Variants in LONP2 observed in about 807,000 individuals in gnomAD.
LONP2 encodes lon protease homolog 2, peroxisomal.
A neutral mutation model predicts 85.6 loss-of-function variants in LONP2; 60 were observed. The ratio of observed to expected loss-of-function variants is 0.70; its 90% CI spans 0.57 to 0.87. The LOEUF is 0.87. Ranked by LOEUF, LONP2 falls within the 40% of genes least tolerant of loss-of-function variation. The pLI, the probability that LONP2 is intolerant of heterozygous loss-of-function variation, is 0.00. For missense variants in LONP2, 860 were observed against 1,063.5 expected, an observed-to-expected ratio of 0.81 and a Z score of 2.66; for synonymous variants, 395 against 389.7, an observed-to-expected ratio of 1.01 and a Z score of -0.16.
chr16:48,339,176 C>T (rs1260637598), intron 12 of LONP2, among the ~76,000 whole-genome samples: 2 of 151,996 alleles, frequency 1.3e-5, no homozygotes, highest in Admixed American at 6.5e-5. Flanking sequence ...ACAAAGAAGT[C>T]GGGAAAAACA....
chr16:48,329,242 A>G (rs746810875), intron 11 of LONP2, among the ~76,000 whole-genome samples: 2 of 152,216 alleles, frequency 1.3e-5, no homozygotes, highest in Non-Finnish European at 2.9e-5. Context: ...GGAAAATTCT[A>G]GAAATAATCC....
chr16:48,299,067 T>C (rs1390922280), intron 9 of LONP2, among the ~76,000 whole-genome samples: 4 of 151,740 alleles, frequency 2.6e-5, no homozygotes, highest in Non-Finnish European at 5.9e-5. Flanking sequence ...ATTTTTTGTG[T>C]TTTTAGTAGA....
chr16:48,350,117 G>A (rs1960094210), intron 14 of LONP2, among the ~76,000 whole-genome samples: 1 of 152,190 alleles, frequency 6.6e-6, no homozygotes, highest in South Asian at 2.1e-4. Flanking sequence ...TGGGTGTGGT[G>A]GCTCACGCCT....
intron 7 of LONP2, among the ~76,000 whole-genome samples, chr16:48,275,593 T>C (rs964383994): frequency 3.3e-5 from 5 of 152,106 alleles, no homozygotes; most frequent in African/African-American, 1.2e-4. Flanking sequence ...TTCTTAGAAT[T>C]GTTGGGATTT....
chr16:48,264,338 C>T (rs765340932), intron 6 of LONP2, among the ~76,000 whole-genome samples: 81 of 152,144 alleles, frequency 5.3e-4, no homozygotes, highest in Non-Finnish European at 1.0e-3. Context: ...GAGACCTACC[C>T]CTAGGTGCGC....
At chr16:48,298,654 T>TGTGC (rs1488693409) in intron 9 of LONP2, among the ~76,000 whole-genome samples, 4 of 151,504 alleles carry the variant, frequency 2.6e-5, no homozygotes, top group African/African-American at 9.7e-5. Flanking sequence ...TGTGTGTGTG[T>TGTGC]GTGTGTGTGT....
intron 8 of LONP2, among the ~76,000 whole-genome samples, chr16:48,287,228 G>A (rs548305544): frequency 1.3e-5 from 2 of 152,216 alleles, no homozygotes; most frequent in Non-Finnish European, 2.9e-5. Context: ...CAGAGCCTCA[G>A]TGTCTGCCAA....
chr16:48,356,662 AAG>A lies in LONP2; in HGVS notation c.*4863_*4864del, dbSNP rs1436975754. Reference sequence around the variant, plus strand: ...TGCACTTAAAAAACAAAAATGCTGAAAGAGGAAGGAAATATCAAAAAGGTCTG... The same window carrying A: ...TGCACTTAAAAAACAAAAATGCTGAAAGGAAGGAAATATCAAAAAGGTCTG... On this transcript the variant is annotated 3_prime_UTR_variant, in exon 15 of 15. Coordinates refer to ENST00000285737, the MANE Select transcript of LONP2 (RefSeq NM_031490.5). The A allele has an allele frequency of 2.7e-6, 1 of 367,410 alleles. No homozygotes were observed. Among genetic ancestry groups the A allele is most frequent in the African/African-American group, 2.1e-5 (1 of 47,196 alleles). The allele number at this position is 367,410 out of a possible 1,614,324, so 22.8% of individuals were successfully genotyped here.
intron 11 of LONP2, among the ~76,000 whole-genome samples, chr16:48,308,931 GAACTCAAGC>G (rs1972970963): frequency 6.6e-6 from 1 of 151,982 alleles, no homozygotes; most frequent in Admixed American, 6.5e-5. Context: ...AATCTACAAG[GAACTCAAGC>G]AACTCAACAA....
At chr16:48,244,698 C>A in intron 1 of LONP2, 77 bp downstream of exon 1, 2 of 1,074,310 alleles carry the variant, frequency 1.9e-6, no homozygotes, top group Non-Finnish European at 2.4e-6. Context: ...CACGGCCTGC[C>A]TTGAGCGCGA....
chr16:48,279,983 T>C (rs1972292455), intron 8 of LONP2, among the ~76,000 whole-genome samples: 1 of 152,198 alleles, frequency 6.6e-6, no homozygotes, highest in African/African-American at 2.4e-5. Context: ...TAATATTAAT[T>C]GCACTCTTTT....
intron 8 of LONP2, among the ~76,000 whole-genome samples, chr16:48,287,078 G>A (rs547795745): frequency 7.9e-5 from 12 of 152,246 alleles, no homozygotes; most frequent in South Asian, 2.1e-4. Flanking sequence ...GCTAGTGACC[G>A]GACAGAGATT....
chr16:48,346,009 A>C (rs1245268445), intron 12 of LONP2: 1 of 147,856 alleles, frequency 6.8e-6, no homozygotes, highest in Non-Finnish European at 1.5e-5. Context: ...GTGCCATTGC[A>C]CTCCAGCCCA....
intron 11 of LONP2, among the ~76,000 whole-genome samples, chr16:48,315,273 T>G (rs1221414940): frequency 2.0e-5 from 3 of 152,234 alleles, no homozygotes; most frequent in Admixed American, 2.0e-4. Flanking sequence ...GACAATCATG[T>G]GGTGAAGTGT....
At chr16:48,308,286 C>G (rs1567334366) in intron 11 of LONP2, among the ~76,000 whole-genome samples, 1 of 152,130 alleles carries the variant, frequency 6.6e-6, no homozygotes, top group African/African-American at 2.4e-5. Flanking sequence ...GGATAGCCAT[C>G]TGCAGAAAGA....
intron 11 of LONP2, among the ~76,000 whole-genome samples, chr16:48,320,443 T>TGC (rs1321726699): frequency 5.3e-5 from 8 of 152,102 alleles, no homozygotes; most frequent in Non-Finnish European, 1.2e-4. Flanking sequence ...AGACAAGAGT[T>TGC]TAGGCACTGG....
At chr16:48,306,940 G>GA (rs1972923483) in intron 11 of LONP2, among the ~76,000 whole-genome samples, 2 of 152,000 alleles carry the variant, frequency 1.3e-5, no homozygotes, top group East Asian at 1.9e-4. Context: ...ACGAGAGACA[G>GA]AAAAAAAATA....
intron 1 of LONP2, among the ~76,000 whole-genome samples, chr16:48,246,914 A>T (rs1289137867): frequency 1.5e-5 from 2 of 132,860 alleles, no homozygotes; most frequent in Admixed American, 8.7e-5. Context: ...CAAAGCAACA[A>T]TCCTCAATTC....
rs1960387680 is a variant in LONP2 at position 48,356,899 on chromosome 16, C to G, written c.*5097C>G. On this transcript the variant is annotated 3_prime_UTR_variant, in exon 15 of 15. Coordinates refer to ENST00000285737, the MANE Select transcript of LONP2 (RefSeq NM_031490.5). ...CCTCATCCTGACATGACAGTGCAAGCCTGTCAAAATGTGACCCCAAAACCA... is the reference window on the plus strand; with the variant it reads ...CCTCATCCTGACATGACAGTGCAAGGCTGTCAAAATGTGACCCCAAAACCA... The G allele has an allele frequency of 6.3e-6, 1 of 157,660 alleles. No individual in the cohort carries two copies. Among genetic ancestry groups the G allele is most frequent in the African/African-American group, 2.4e-5 (1 of 41,744 alleles). The allele number at this position is 157,660 out of a possible 1,614,324, so 9.8% of individuals were successfully genotyped here.
Sources: allele counts gnomAD v4.1 joint callset (sites outside exome capture counted in the v4.1 genomes callset), GRCh38; gene constraint gnomAD v4.1.1; transcripts MANE v1.5; gene names NCBI Gene and HGNC (gene_info 2026-07-23, HGNC 2026-07-21).